Variants in UBN1 observed in about 807,000 individuals in gnomAD.
UBN1 encodes the protein ubinuclein 1.
UBN1 carries 17 observed loss-of-function variants against 108.5 expected under a neutral mutation model. That is an observed-to-expected ratio of 0.16 (90% CI 0.11 to 0.24). The LOEUF (loss-of-function observed/expected upper bound fraction) is 0.24. UBN1 is among the 10% of genes least tolerant of loss of function. UBN1 has a pLI of 1.00. For missense variants in UBN1, 1,595 were observed against 1,394.4 expected, an observed-to-expected ratio of 1.14 and a Z score of -2.29; for synonymous variants, 726 against 564.2, an observed-to-expected ratio of 1.29 and a Z score of -4.07.
In UBN1 at chr16:4,875,088, G is replaced by C; in HGVS notation, c.2678G>C (p.Ser893Thr). 1.2e-6 allele frequency: 2 copies of C among 1,614,070 alleles called. No individual in the cohort carries two copies. The highest frequency in any genetic ancestry group is 4.5e-5 in the East Asian group (2 of 44,888). Residue 893 changes from serine to threonine, a missense_variant, in exon 15 of 18, where the codon AGC (serine) becomes ACC (threonine). Coordinates refer to ENST00000262376, the MANE Select transcript of UBN1 (RefSeq NM_001079514.3). Reference protein sequence around the residue: ...LSHPAKPHSVSSAGSSYKNNP... With the variant: ...LSHPAKPHSVTSAGSSYKNNP... ...CATCCAGCAAAGCCACATTCAGTCA[G>C]CTCTGCAGGCTCATCTTACAAGAAT...
Position 4,874,693 on chromosome 16 carries a change from A to G in UBN1, c.2283A>G (p.Lys761=), listed in dbSNP as rs1283687072. Residue 761 remains lysine, a synonymous_variant, in exon 15 of 18, where the codon AAA becomes AAG. Coordinates refer to ENST00000262376, the MANE Select transcript of UBN1 (RefSeq NM_001079514.3). ...QEKKPESSGY[K]ELSCQAPLNK... The stretch of plus-strand genomic sequence containing the variant: ...AAAAACCAGAGAGTTCTGGCTACAA[A>G]GAGCTGTCCTGCCAGGCTCCCCTCA... The G allele has an allele frequency of 3.1e-6, 5 of 1,614,036 alleles. No homozygotes were observed. Among genetic ancestry groups the G allele is most frequent in the Non-Finnish European group, 4.2e-6 (5 of 1,180,038 alleles).
At chr16:4,848,281 G>C (rs970982357) in intron 1 of UBN1, 71 bp downstream of exon 1, 1 of 152,252 alleles carries the variant, frequency 6.6e-6, no homozygotes, top group African/African-American at 2.4e-5. Context: ...AAAAAGTTGT[G>C]ACAACAGGAA....
chr16:4,870,581 G>T lies in UBN1; in HGVS notation c.1377G>T (p.Gln459His). The change falls in exon 10 of 18, where the codon CAG becomes CAT. Residue 459 changes from glutamine to histidine, a missense_variant. This residue lies in a region of UBN1 where 1,398 missense variants were observed against 1,194.7 expected (regional missense o/e 1.17). Coordinates refer to ENST00000262376, the MANE Select transcript of UBN1 (RefSeq NM_001079514.3). ...KEAIGRAMPEQMAKYQDECQA... is the reference protein window; with the variant it reads ...KEAIGRAMPEHMAKYQDECQA... Reference sequence around the variant, plus strand: ...CCATTGGCAGGGCGATGCCAGAGCAGATGGCCAAGTACCAGGACGAATGCC... The same window carrying T: ...CCATTGGCAGGGCGATGCCAGAGCATATGGCCAAGTACCAGGACGAATGCC... 1.2e-6 allele frequency: 2 copies of T among 1,614,262 alleles called. No homozygotes were observed. Among genetic ancestry groups the T allele is most frequent in the Non-Finnish European group, 1.7e-6 (2 of 1,180,048 alleles).
chr16:4,853,116 C>T lies in UBN1; in HGVS notation c.199C>T (p.Leu67=), dbSNP rs2086632870. The T allele has an allele frequency of 1.2e-6, 2 of 1,614,122 alleles. No individual in the cohort carries two copies. Among genetic ancestry groups the T allele is most frequent in the East Asian group, 2.2e-5 (1 of 44,898 alleles). Residue 67 remains leucine, a synonymous_variant, in exon 2 of 18, where the codon CTG becomes TTG. Transcript: ENST00000262376. ...CTGCCCAGAGTTCTTCTACCCAGAG[C>T]TGGTGAAGAATATCCGAGGGAAGGT... ...KRCPEFFYPE[L]VKNIRGKVKG...
rs778605990 is a variant in UBN1, at chr16:4,877,373, G to A, written c.3266-12G>A. On this transcript the variant is annotated splice_polypyrimidine_tract_variant and intron_variant, in intron 16 of 17. Coordinates refer to ENST00000262376, the MANE Select transcript of UBN1 (RefSeq NM_001079514.3). The surrounding 1 kb of genome is among the most constrained non-coding windows in gnomAD (Gnocchi z 4.3). Reference sequence around the variant, plus strand: ...GTGTTTTGTTCTTTTCTCCCCTCCTGTTTTCTCTCAGGTCTTCTGGCTGGC... The same window carrying A: ...GTGTTTTGTTCTTTTCTCCCCTCCTATTTTCTCTCAGGTCTTCTGGCTGGC... 1 of 1,606,914 alleles carries A rather than the reference G, an allele frequency of 6.2e-7. No individual in the cohort carries two copies. Among genetic ancestry groups the A allele is most frequent in the East Asian group, 2.2e-5 (1 of 44,730 alleles).
At chr16:4,861,183 C>G in intron 7 of UBN1, 81 bp downstream of exon 7, 2 of 1,431,666 alleles carry the variant, frequency 1.4e-6, no homozygotes, top group South Asian at 1.4e-5. Context: ...GTGAAGCTTG[C>G]CCAGAGAAAC....
chr16:4,854,340 T>TTTG (rs35003213), intron 2 of UBN1, among the ~76,000 whole-genome samples: 73,674 of 148,320 alleles, frequency 0.5, 18,594 homozygotes, highest in Admixed American at 0.56. Context: ...GCCTCTCTTT[T>TTTG]TTGTTGTTGT....
rs577198157 is a variant in UBN1, at chr16:4,875,712, G to A, written c.3024+278G>A. ...CCATGCCTCTTCGGAGGCTGTCTGT[G>A]TGGCACAGAATGAGCAACAGCCCTT... On this transcript the variant is annotated intron_variant, in intron 15 of 17. Coordinates refer to ENST00000262376, the MANE Select transcript of UBN1 (RefSeq NM_001079514.3). Among the ~76,000 whole-genome samples, 8 of 152,306 alleles carry A rather than the reference G, an allele frequency of 5.3e-5. No individual in the cohort carries two copies. In the South Asian group the frequency reaches 1.7e-3, roughly 32 times the overall value.
At chr16:4,865,040 T>C (rs142478232) in intron 7 of UBN1, among the ~76,000 whole-genome samples, 448 of 152,330 alleles carry the variant, frequency 2.9e-3, no homozygotes, top group African/African-American at 0.01. Flanking sequence ...GGAACTCTTA[T>C]AAATCAGCAT....
chr16:4,862,045 C>T (rs2087092107), intron 7 of UBN1, among the ~76,000 whole-genome samples: 1 of 152,226 alleles, frequency 6.6e-6, no homozygotes, highest in South Asian at 2.1e-4. Flanking sequence ...TCAAGTAACA[C>T]ATTTCTAACT....
In UBN1 at chr16:4,858,456, C is replaced by G. The variant is rs922946905; in HGVS notation, c.337-112C>G. ...GGTTTGTGTGTATGTGAGAGAGTGACTGTTTTAGTTAGTGCATTACCTCTT... is the reference window on the plus strand; with the variant it reads ...GGTTTGTGTGTATGTGAGAGAGTGAGTGTTTTAGTTAGTGCATTACCTCTT... On this transcript the variant is annotated intron_variant, in intron 3 of 17. Coordinates refer to ENST00000262376, the MANE Select transcript of UBN1 (RefSeq NM_001079514.3). 8 of 892,272 alleles carry G rather than the reference C, an allele frequency of 9.0e-6. No homozygotes were observed. In the African/African-American group the frequency reaches 1.3e-4, roughly 15 times the overall value. 55.3% of individuals were successfully genotyped at this position (892,272 alleles called of 1,614,324 possible).
chr16:4,879,952 G>T lies in UBN1; in HGVS notation c.3356-131G>T. On this transcript the variant is annotated intron_variant, in intron 17 of 17. Coordinates refer to ENST00000262376, the MANE Select transcript of UBN1 (RefSeq NM_001079514.3). Reference sequence around the variant, plus strand: ...CTGGCTGGTGTCTCATGGCTTGTTTGAGCTCTAGAACACTCAGCATTTGGG... The same window carrying T: ...CTGGCTGGTGTCTCATGGCTTGTTTTAGCTCTAGAACACTCAGCATTTGGG... 12 of 931,534 alleles carry T rather than the reference G, an allele frequency of 1.3e-5. No homozygotes were observed. In the East Asian group the frequency reaches 1.7e-4, roughly 13 times the overall value. 57.7% of individuals were successfully genotyped at this position (931,534 alleles called of 1,614,324 possible). A position where few individuals can be genotyped will look rare whatever the true frequency, so the allele number is the denominator to read the frequency against.
intron 1 of UBN1, chr16:4,852,086 A>C (rs1474680303): frequency 3.3e-5 from 5 of 152,228 alleles, no homozygotes; most frequent in Non-Finnish European, 5.9e-5. Flanking sequence ...ACAAGGCTGC[A>C]ATGAATATCT....
Position 4,876,847 on chromosome 16 carries a change from C to A in UBN1, c.3025-24C>A, listed in dbSNP as rs768438675. On this transcript the variant is annotated intron_variant, in intron 15 of 17. Transcript: ENST00000262376. ...GCCACGAACAGGACTGGAGTTCTTA[C>A]CGCTTGCTGTGTTTCTTCCCTAGAA... 5.1e-6 allele frequency: 8 copies of A among 1,557,976 alleles called. No individual in the cohort carries two copies. The Admixed American group carries it at 5.7e-5, about 11-fold the overall frequency.
At chr16:4,865,305 C>G (rs773709390) in intron 7 of UBN1, among the ~76,000 whole-genome samples, 5 of 152,144 alleles carry the variant, frequency 3.3e-5, no homozygotes, top group Non-Finnish European at 5.9e-5. Flanking sequence ...TCTAAAATTA[C>G]ATAATATTAT....
rs61465653 is a variant in UBN1 at position 4,869,972 on chromosome 16, G to A, written c.1182-240G>A. Reference sequence around the variant, plus strand: ...TTGTTCTCCTGGGCTCTGTTTTCCTGGTATTGTGACCTAAGAGCCTTGGCC... The same window carrying A: ...TTGTTCTCCTGGGCTCTGTTTTCCTAGTATTGTGACCTAAGAGCCTTGGCC... On this transcript the variant is annotated intron_variant, in intron 8 of 17. Coordinates refer to ENST00000262376, the MANE Select transcript of UBN1 (RefSeq NM_001079514.3). 0.012 allele frequency among the ~76,000 whole-genome samples: 1,797 copies of A among 152,260 alleles called. 31 individuals carry two copies. Among genetic ancestry groups the A allele is most frequent in the African/African-American group, 0.04 (1,674 of 41,542 alleles).
chr16:4,852,972 G>A lies in UBN1; in HGVS notation c.55G>A (p.Ala19Thr), dbSNP rs373998683. The A allele has an allele frequency of 2.5e-6, 4 of 1,614,070 alleles. No homozygotes were observed. The highest frequency in any genetic ancestry group is 3.3e-5 in the Admixed American group (2 of 60,002). ...CTCTCTCCCAGGTTCCCTGAATCCT[G>A]CGTTTTTGAAGAAGTCCCGGAAGGA... The part of the protein sequence containing the change: ...FTSLPGSLNP[A>T]FLKKSRKEEA... Residue 19 changes from alanine (A) to threonine (T), a missense_variant, in exon 2 of 18, where the codon GCG (alanine) becomes ACG (threonine). Around this residue, in one of 3 missense-constraint regions of UBN1, gnomAD observed 181 missense variants for 157.3 expected, o/e 1.15. Coordinates refer to ENST00000262376, the MANE Select transcript of UBN1 (RefSeq NM_001079514.3).
In UBN1 at chr16:4,877,370, C is replaced by T. The variant is rs777822813; in HGVS notation, c.3266-15C>T. On this transcript the variant is annotated splice_polypyrimidine_tract_variant and intron_variant, in intron 16 of 17. Coordinates refer to ENST00000262376, the MANE Select transcript of UBN1 (RefSeq NM_001079514.3). The surrounding 1 kb of genome is among the most constrained non-coding windows in gnomAD (Gnocchi z 4.3). ...TGTGTGTTTTGTTCTTTTCTCCCCT[C>T]CTGTTTTCTCTCAGGTCTTCTGGCT... The T allele has an allele frequency of 2.5e-6, 4 of 1,606,214 alleles. No homozygotes were observed. The highest frequency in any genetic ancestry group is 2.7e-5 in the African/African-American group (2 of 74,640).
chr16:4,877,632 G>C lies in UBN1; in HGVS notation c.3355+158G>C. 1 of 1,361,150 alleles carries C rather than the reference G, an allele frequency of 7.3e-7. No individual in the cohort carries two copies. Among genetic ancestry groups the C allele is most frequent in the Non-Finnish European group, 9.4e-7 (1 of 1,059,302 alleles). The allele number at this position is 1,361,150 out of a possible 1,614,324, so 84.3% of individuals were successfully genotyped here. On this transcript the variant is annotated intron_variant, in intron 17 of 17. Transcript: ENST00000262376. This position sits in a 1 kb window ranked among gnomAD's most constrained non-coding sequence, Gnocchi z 4.3. ...GCTGTGCTTTGTCAGTACTCAGGGT[G>C]ACACGCACTTCTACTCTTGGGGTTT...
Sources: gnomAD v4.1 joint callset for allele counts (sites outside exome capture counted in the v4.1 genomes callset) on GRCh38, gnomAD v4.1.1 for gene constraint, gnomAD v4.1.1 regional missense constraint, Gnocchi (gnomAD v3.1) non-coding constraint, MANE v1.5 for transcripts, NCBI Gene and HGNC (gene_info 2026-07-23, HGNC 2026-07-21) for gene names.